Variants in PIK3R5 observed in about 807,000 individuals in gnomAD.
The protein encoded by PIK3R5 is phosphoinositide 3-kinase regulatory subunit 5.
PIK3R5 carries 32 observed loss-of-function variants against 94.9 expected under a neutral mutation model. That is an observed-to-expected ratio of 0.34 (90% confidence interval 0.25 to 0.45). The LOEUF is 0.45. Among genes scored for constraint, PIK3R5 ranks in the 20% least tolerant of loss-of-function variants. PIK3R5 has a pLI of 1.00. For synonymous variants in PIK3R5, 443 were observed against 479.4 expected (o/e 0.92, Z 0.99); for missense variants, 853 against 1,144.6 (o/e 0.75, Z 3.68).
At chr17:8,898,704 C>T (rs957818164) in intron 5 of PIK3R5, among the ~76,000 whole-genome samples, 9 of 152,158 alleles carry the variant, frequency 5.9e-5, no homozygotes, top group African/African-American at 2.2e-4. Flanking sequence ...CTGTCCTCCT[C>T]GTCATCATCA....
At chr17:8,923,639 G>A (rs554563056) in intron 1 of PIK3R5, among the ~76,000 whole-genome samples, 2 of 152,304 alleles carry the variant, frequency 1.3e-5, no homozygotes, top group South Asian at 2.1e-4. Context: ...GGCAGCAACC[G>A]AATTCTTTGG....
intron 1 of PIK3R5, among the ~76,000 whole-genome samples, chr17:8,940,116 G>T (rs554891413): frequency 1.3e-5 from 2 of 152,140 alleles, no homozygotes; most frequent in Non-Finnish European, 2.9e-5. Context: ...CTTCCCCTGG[G>T]AGATGGGGGC....
chr17:8,900,979 C>T (rs1363312254), intron 5 of PIK3R5, among the ~76,000 whole-genome samples: 1 of 152,096 alleles, frequency 6.6e-6, no homozygotes, highest in Non-Finnish European at 1.5e-5. Flanking sequence ...TGGTGGAAAC[C>T]CAACGCCCTG....
Position 8,880,504 on chromosome 17 carries a change from T to C in PIK3R5, c.*135A>G. The C allele has an allele frequency of 1.1e-6, 1 of 871,558 alleles. No individual in the cohort carries two copies. Among genetic ancestry groups the C allele is most frequent in the Non-Finnish European group, 1.7e-6 (1 of 604,794 alleles). 54.0% of individuals were successfully genotyped at this position (871,558 alleles called of 1,614,324 possible). On this transcript the variant is annotated 3_prime_UTR_variant, in exon 19 of 19. Coordinates refer to ENST00000447110, the MANE Select transcript of PIK3R5 (RefSeq NM_001142633.3). ...CCAGAAACCCTCTACTCCCAGCCCC[T>C]GCTCATTGCAGGACCCACAGTGGGA...
chr17:8,914,911 G>A (rs1054133720), intron 1 of PIK3R5, among the ~76,000 whole-genome samples: 1 of 152,250 alleles, frequency 6.6e-6, no homozygotes, highest in African/African-American at 2.4e-5. Context: ...CAATTTTGTA[G>A]GAAGCTGGAT....
chr17:8,921,605 G>T (rs2090746717), intron 1 of PIK3R5, among the ~76,000 whole-genome samples: 1 of 151,866 alleles, frequency 6.6e-6, no homozygotes, highest in Non-Finnish European at 1.5e-5. Flanking sequence ...AAATTATGTT[G>T]GGGAAACAAG....
chr17:8,915,817 A>G (rs1379228553), intron 1 of PIK3R5: 1 of 152,124 alleles, frequency 6.6e-6, no homozygotes, highest in Non-Finnish European at 1.5e-5. Context: ...ACTTCTGCAC[A>G]CTCCTGTCCT....
At chr17:8,941,773 C>T (rs1053689521) in intron 1 of PIK3R5, among the ~76,000 whole-genome samples, 2 of 152,194 alleles carry the variant, frequency 1.3e-5, no homozygotes, top group African/African-American at 4.8e-5. Flanking sequence ...CTGCTGCTTG[C>T]GGCCTGTGGA....
intron 5 of PIK3R5, among the ~76,000 whole-genome samples, chr17:8,897,291 G>A (rs982885309): frequency 3.3e-5 from 5 of 152,196 alleles, no homozygotes; most frequent in Non-Finnish European, 7.3e-5. Flanking sequence ...GAAGGAATGT[G>A]GCTAGAAAGC....
intron 1 of PIK3R5, among the ~76,000 whole-genome samples, chr17:8,941,039 A>G (rs910928886): frequency 3.9e-5 from 6 of 152,224 alleles, no homozygotes; most frequent in African/African-American, 1.4e-4. Flanking sequence ...GTGACCCAGC[A>G]GGGAAGAACA....
Position 8,881,942 on chromosome 17 carries a change from C to T in PIK3R5, c.2206-61G>A, listed in dbSNP as rs2089676737. The T allele has an allele frequency of 3.1e-6, 4 of 1,274,194 alleles. No individual in the cohort carries two copies. The highest frequency in any genetic ancestry group is 1.8e-4 in the Middle Eastern group (1 of 5,434). 78.9% of individuals were successfully genotyped at this position (1,274,194 alleles called of 1,614,324 possible). On this transcript the variant is annotated intron_variant, in intron 15 of 18. Transcript: ENST00000447110. This position sits in a 1 kb window ranked among gnomAD's most constrained non-coding sequence, Gnocchi z 4.8. The stretch of plus-strand genomic sequence containing the variant: ...GAGGCCCCGGTGCCTGCTGCCTTCT[C>T]TTTGAAGGCCCATCAGTGACAGGGG...
intron 1 of PIK3R5, among the ~76,000 whole-genome samples, chr17:8,948,231 C>T (rs1434203169): frequency 6.6e-6 from 1 of 152,048 alleles, no homozygotes; most frequent in East Asian, 1.9e-4. Flanking sequence ...ATCTTTTCCT[C>T]CACTTATAAG....
rs1356516164 is a variant in PIK3R5 at position 8,896,346 on chromosome 17, C to T, written c.413-2691G>A. Among the ~76,000 whole-genome samples the T allele has an allele frequency of 6.6e-6, 1 of 152,156 alleles. No individual in the cohort carries two copies. The highest frequency in any genetic ancestry group is 1.9e-4 in the East Asian group (1 of 5,184). Reference sequence around the variant, plus strand: ...CACTGGGGAGCCTCAGATCCACAGACACCTCTCTCCCTTTGATCTTAGATC... The same window carrying T: ...CACTGGGGAGCCTCAGATCCACAGATACCTCTCTCCCTTTGATCTTAGATC... On this transcript the variant is annotated intron_variant, in intron 5 of 18. Coordinates refer to ENST00000447110, the MANE Select transcript of PIK3R5 (RefSeq NM_001142633.3). The surrounding 1 kb of genome is among the most constrained non-coding windows in gnomAD (Gnocchi z 4.0).
At position 8,909,818 on chromosome 17, in the gene PIK3R5, A is replaced by G. The variant is rs2090484418; in HGVS notation, c.104-644T>C. 3.3e-5 allele frequency among the ~76,000 whole-genome samples: 5 copies of G among 152,188 alleles called. No homozygotes were observed. Among genetic ancestry groups the G allele is most frequent in the Admixed American group, 3.3e-4 (5 of 15,278 alleles). The stretch of plus-strand genomic sequence containing the variant: ...ACAACCTCTCCTGCCCTGGTTTCCT[A>G]CAGTGGGTTCTGGTACCTATGAGTT... On this transcript the variant is annotated intron_variant, in intron 2 of 18. Transcript: ENST00000447110. This position sits in a 1 kb window ranked among gnomAD's most constrained non-coding sequence, Gnocchi z 4.3.
At chr17:8,924,266 G>A (rs1665772075) in intron 1 of PIK3R5, among the ~76,000 whole-genome samples, 2 of 148,794 alleles carry the variant, frequency 1.3e-5, no homozygotes, top group South Asian at 4.3e-4. Flanking sequence ...TTTTTGTAGA[G>A]GTGGGGTTTC....
At chr17:8,963,663 G>C (rs2091606681) in intron 1 of PIK3R5, among the ~76,000 whole-genome samples, 3 of 151,806 alleles carry the variant, frequency 2.0e-5, no homozygotes, top group Admixed American at 2.0e-4. Context: ...TAAGCTTCTC[G>C]AGTAGCTGGG....
chr17:8,943,249 TTTTG>T (rs1160309424), intron 1 of PIK3R5, among the ~76,000 whole-genome samples: 4 of 151,830 alleles, frequency 2.6e-5, no homozygotes, highest in Non-Finnish European at 5.9e-5. Context: ...TAATTTTTAA[TTTTG>T]TTTGTTTGTT....
At chr17:8,908,496 T>C (rs1048473226) in intron 3 of PIK3R5, among the ~76,000 whole-genome samples, 5 of 150,946 alleles carry the variant, frequency 3.3e-5, no homozygotes, top group Non-Finnish European at 7.4e-5. Flanking sequence ...GAAAGTGACA[T>C]GTTTTCCAAA....
chr17:8,921,493 C>T lies in PIK3R5; in HGVS notation c.-13-9986G>A, dbSNP rs191484590. ...TCACCCTCGAAATGTTCATAGAAACCCAAGAAAATCAACTGAAAAATGGTC... is the reference window on the plus strand; with the variant it reads ...TCACCCTCGAAATGTTCATAGAAACTCAAGAAAATCAACTGAAAAATGGTC... On this transcript the variant is annotated intron_variant, in intron 1 of 18. Transcript: ENST00000447110. Among the ~76,000 whole-genome samples the T allele has an allele frequency of 1.5e-3, 234 of 151,880 alleles. 2 individuals are homozygous for T. The highest frequency in any genetic ancestry group is 3.0e-3 in the Non-Finnish European group (203 of 67,934).
Sources: allele counts gnomAD v4.1 joint callset (sites outside exome capture counted in the v4.1 genomes callset), GRCh38; gene constraint gnomAD v4.1.1; non-coding constraint Gnocchi (gnomAD v3.1); transcripts MANE v1.5; gene names NCBI Gene and HGNC (gene_info 2026-07-23, HGNC 2026-07-21).